The following KCNAB1 variants were observed in gnomAD, a reference collection of about 807,000 sequenced individuals.
KCNAB1 encodes potassium voltage-gated channel subfamily A regulatory beta subunit 1.
Under a neutral mutation model 64.6 loss-of-function variants are expected in KCNAB1, and 35 were observed. The ratio of observed to expected loss-of-function variants is 0.54; its 90% CI spans 0.41 to 0.72. KCNAB1 has a LOEUF of 0.72. Ranked by LOEUF, KCNAB1 falls within the 30% of genes least tolerant of loss-of-function variation. The pLI is 0.00. For synonymous variants in KCNAB1, 177 were observed against 183.8 expected (o/e 0.96, Z 0.30); for missense variants, 401 against 512.9 (o/e 0.78, Z 2.11).
In KCNAB1 at chr3:156,452,794, A is replaced by G; in HGVS notation, c.320-105A>G. The G allele has an allele frequency of 1.3e-6, 1 of 769,816 alleles. No homozygotes were observed. Among genetic ancestry groups the G allele is most frequent in the Admixed American group, 2.2e-5 (1 of 45,220 alleles). 47.7% of individuals were successfully genotyped at this position (769,816 alleles called of 1,614,324 possible). ...CCTCATCCAGGTACCTTTGTGAACT[A>G]CCCATACAACCTATTGAGGTAGTCC... On this transcript the variant is annotated intron_variant, in intron 2 of 13. Transcript: ENST00000490337. This position sits in a 1 kb window ranked among gnomAD's most constrained non-coding sequence, Gnocchi z 4.6.
intron 1 of KCNAB1, among the ~76,000 whole-genome samples, chr3:156,379,943 T>A (rs978403572): frequency 3.3e-5 from 5 of 152,052 alleles, no homozygotes; most frequent in African/African-American, 1.2e-4. Flanking sequence ...ATGTAGTGTG[T>A]GAAATGGAAG....
intron 1 of KCNAB1, among the ~76,000 whole-genome samples, chr3:156,200,654 C>T (rs1714270349): frequency 6.6e-6 from 1 of 152,156 alleles, no homozygotes; most frequent in Non-Finnish European, 1.5e-5. Context: ...GGCAGATGCC[C>T]CTCCCCTCAC....
chr3:156,472,270 G>A (rs1713967045), intron 7 of KCNAB1, among the ~76,000 whole-genome samples: 1 of 152,186 alleles, frequency 6.6e-6, no homozygotes, highest in Admixed American at 6.5e-5. Flanking sequence ...TCCCAAATGT[G>A]TACACCTCTC....
chr3:156,473,748 C>G (rs1337454686), intron 7 of KCNAB1, among the ~76,000 whole-genome samples: 1 of 152,042 alleles, frequency 6.6e-6, no homozygotes, highest in South Asian at 2.1e-4. Context: ...TTTATAAGAG[C>G]CTCATTTAAC....
At chr3:156,130,068 C>T (rs906780675) in intron 1 of KCNAB1, among the ~76,000 whole-genome samples, 2 of 152,208 alleles carry the variant, frequency 1.3e-5, no homozygotes, top group Admixed American at 6.5e-5. Context: ...AAACACCTCT[C>T]CTCTCCAAGC....
chr3:156,274,784 G>A (rs1313004884), intron 1 of KCNAB1, among the ~76,000 whole-genome samples: 1 of 152,130 alleles, frequency 6.6e-6, no homozygotes, highest in African/African-American at 2.4e-5. Flanking sequence ...TTTGACATAT[G>A]CATACATTGT....
intron 1 of KCNAB1, among the ~76,000 whole-genome samples, chr3:156,210,820 G>A (rs561109433): frequency 1.1e-3 from 165 of 152,204 alleles, no homozygotes; most frequent in Admixed American, 2.6e-3. Flanking sequence ...TCTTGGCTGG[G>A]TATTGCCCTT....
chr3:156,339,220 T>C (rs1723934144), intron 1 of KCNAB1, among the ~76,000 whole-genome samples: 2 of 152,130 alleles, frequency 1.3e-5, no homozygotes, highest in Non-Finnish European at 2.9e-5. Flanking sequence ...TTAGCAATAG[T>C]TACTAATGTT....
chr3:156,264,750 ATTAT>A (rs1718605917), intron 1 of KCNAB1, among the ~76,000 whole-genome samples: 1 of 152,158 alleles, frequency 6.6e-6, no homozygotes, highest in African/African-American at 2.4e-5. Flanking sequence ...CAGTATTAAA[ATTAT>A]TTATTCATGC....
Position 156,516,270 on chromosome 3 carries a change from G to T in KCNAB1, c.866G>T (p.Gly289Val), listed in dbSNP as rs1221350304. 6.2e-7 allele frequency: 1 copy of T among 1,612,306 alleles called. No homozygotes were observed. Residue 289 changes from glycine to valine, a missense_variant and splice_region_variant, in exon 11 of 14, where the codon GGT becomes GTT. Gly to Val is a moderately radical substitution (Grantham distance 109). Coordinates refer to ENST00000490337, the MANE Select transcript of KCNAB1 (RefSeq NM_172160.3). ...ACTTTCTAAGTTTTTTCTTCTGTAG[G>T]TGTTGGCGCAATGACATGGTCTCCA... is the stretch of plus-strand genomic sequence containing the variant. ...VQLPELYHKI[G>V]VGAMTWSPLA...
At chr3:156,398,957 T>C (rs904808630) in intron 1 of KCNAB1, among the ~76,000 whole-genome samples, 2 of 152,108 alleles carry the variant, frequency 1.3e-5, no homozygotes, top group African/African-American at 4.8e-5. Context: ...TCTGCCATGA[T>C]TGGCCACCCA....
At chr3:156,343,521 T>C (rs754251712) in intron 1 of KCNAB1, among the ~76,000 whole-genome samples, 10 of 152,194 alleles carry the variant, frequency 6.6e-5, no homozygotes, top group Non-Finnish European at 1.2e-4. Flanking sequence ...TTTCAGCAAA[T>C]TGGCCTTCCG....
At chr3:156,445,343 C>G (rs1031849976) in intron 2 of KCNAB1, among the ~76,000 whole-genome samples, 2 of 152,054 alleles carry the variant, frequency 1.3e-5, no homozygotes, top group Non-Finnish European at 2.9e-5. Flanking sequence ...TGAGATGCTA[C>G]CGGTATGAGA....
chr3:156,432,393 C>A (rs1471319157), intron 2 of KCNAB1, among the ~76,000 whole-genome samples: 1 of 152,128 alleles, frequency 6.6e-6, no homozygotes, highest in Non-Finnish European at 1.5e-5. Context: ...AGACCTAAGG[C>A]TCATTTACAA....
At chr3:156,264,389 G>A (rs1718586133) in intron 1 of KCNAB1, among the ~76,000 whole-genome samples, 1 of 151,706 alleles carries the variant, frequency 6.6e-6, no homozygotes, top group Non-Finnish European at 1.5e-5. Context: ...TGCATTTATT[G>A]ATATGATTTA....
At chr3:156,379,658 G>T (rs1712004217) in intron 1 of KCNAB1, among the ~76,000 whole-genome samples, 1 of 152,164 alleles carries the variant, frequency 6.6e-6, no homozygotes, top group Non-Finnish European at 1.5e-5. Flanking sequence ...AGCAGGTCAG[G>T]GAGATAGCAG....
chr3:156,311,390 G>A (rs1456165933), intron 1 of KCNAB1, among the ~76,000 whole-genome samples: 1 of 152,192 alleles, frequency 6.6e-6, no homozygotes, highest in Non-Finnish European at 1.5e-5. Context: ...AAATAGGAAA[G>A]GCAAAGATGA....
chr3:156,249,968 GC>G, intron 1 of KCNAB1, among the ~76,000 whole-genome samples: 1 of 152,330 alleles, frequency 6.6e-6, no homozygotes, highest in South Asian at 2.1e-4. Flanking sequence ...TTTGACAAAA[GC>G]TGTTTGAATG....
chr3:156,517,838 T>C (rs1717658982), intron 11 of KCNAB1, among the ~76,000 whole-genome samples: 1 of 152,242 alleles, frequency 6.6e-6, no homozygotes, highest in African/African-American at 2.4e-5. Context: ...CATTTTCAGA[T>C]GCAGGAACTA....
Sources: gnomAD v4.1 joint callset for allele counts (sites outside exome capture counted in the v4.1 genomes callset) on GRCh38, gnomAD v4.1.1 for gene constraint, Gnocchi (gnomAD v3.1) non-coding constraint, MANE v1.5 for transcripts, NCBI Gene and HGNC (gene_info 2026-07-23, HGNC 2026-07-21) for gene names.